TRHDE: variants seen among roughly 807,000 people sequenced by gnomAD.
TRHDE encodes thyrotropin releasing hormone degrading enzyme.
A neutral mutation model predicts 125.7 loss-of-function variants in TRHDE; 72 were observed. The observed-to-expected ratio is 0.57, with a 90% CI of 0.47 to 0.70. The LOEUF is 0.70. Among genes scored for constraint, TRHDE ranks in the 30% least tolerant of loss-of-function variants. TRHDE has a pLI of 0.00. For missense variants in TRHDE, 1,110 were observed against 1,327.1 expected, an observed-to-expected ratio of 0.84 and a Z score of 2.54; for synonymous variants, 509 against 509.1, an observed-to-expected ratio of 1.00 and a Z score of 0.00.
Position 72,296,793 on chromosome 12 carries a change from G to T in TRHDE, c.1188+9839G>T, listed in dbSNP as rs115263143. Among the ~76,000 whole-genome samples, 179 of 152,336 alleles carry T rather than the reference G, an allele frequency of 1.2e-3. No homozygotes were observed. The Middle Eastern group carries it at 0.014, about 12-fold the overall frequency. On this transcript the variant is annotated intron_variant, in intron 2 of 18. Coordinates refer to ENST00000261180, the MANE Select transcript of TRHDE (RefSeq NM_013381.3). ...TGATGAACCTCCAGAAATTTCATTA[G>T]TGTGGTAGGAGCAGAGCCAATAGGT...
In TRHDE at chr12:72,668,173, T is replaced by G. The variant is rs1875167033; in HGVS notation, c.*4978T>G. 6.6e-6 allele frequency: 1 copy of G among 151,754 alleles called. No individual in the cohort carries two copies. The highest frequency in any genetic ancestry group is 1.5e-5 in the Non-Finnish European group (1 of 67,758). 9.4% of individuals were successfully genotyped at this position (151,754 alleles called of 1,614,324 possible). On this transcript the variant is annotated 3_prime_UTR_variant, in exon 19 of 19. Transcript: ENST00000261180. Reference sequence around the variant, plus strand: ...TTTTTAAAATATTAAGTATTTTATTTAATGTGATATAGATTCAGGAAAAGT... The same window carrying G: ...TTTTTAAAATATTAAGTATTTTATTGAATGTGATATAGATTCAGGAAAAGT...
chr12:72,454,473 C>A (rs759192136), intron 3 of TRHDE, among the ~76,000 whole-genome samples: 5 of 152,102 alleles, frequency 3.3e-5, no homozygotes, highest in Non-Finnish European at 7.3e-5. Context: ...TCTATGGAAC[C>A]ATTAATCCCT....
Position 72,166,493 on chromosome 12 carries a change from G to T in TRHDE, n.279+60741G>T, listed in dbSNP as rs61924313. Among the ~76,000 whole-genome samples the T allele has an allele frequency of 7.9e-3, 1,198 of 152,258 alleles. 6 individuals carry two copies. The highest frequency in any genetic ancestry group is 0.012 in the South Asian group (57 of 4,822). On this transcript the variant is annotated intron_variant and non_coding_transcript_variant, in intron 2 of 4. Coordinates refer to the TRHDE transcript ENST00000548156. ...GCTCTTGGTGTGCTATGAGACTCTA[G>T]CAGGGACTAGATATCTATATGAGCT...
rs571238959 is a variant in TRHDE, at chr12:72,247,979, TATTA to T, written n.280-130009_280-130006del. Among the ~76,000 whole-genome samples the T allele has an allele frequency of 6.8e-4, 103 of 152,328 alleles. 1 individual carries two copies. The highest frequency in any genetic ancestry group is 1.4e-3 in the African/African-American group (57 of 41,570). The stretch of plus-strand genomic sequence containing the variant: ...CAATCTGTCATATCTATCATTGATC[TATTA>T]ATTAATCATCTGTCTCAGTGTGTAT... On this transcript the variant is annotated intron_variant and non_coding_transcript_variant, in intron 2 of 4. Coordinates refer to the TRHDE transcript ENST00000548156.
chr12:72,318,599 T>C (rs556030996), intron 2 of TRHDE, among the ~76,000 whole-genome samples: 1 of 152,210 alleles, frequency 6.6e-6, no homozygotes, highest in Non-Finnish European at 1.5e-5. Flanking sequence ...TGAGGCTAAC[T>C]CCCAGGTGTT....
intron 2 of TRHDE, among the ~76,000 whole-genome samples, chr12:72,200,194 G>A (rs980304375): frequency 3.9e-5 from 6 of 152,134 alleles, no homozygotes; most frequent in Admixed American, 2.6e-4. Context: ...AGTGTCAGTC[G>A]CAATCCATTA....
chr12:72,618,874 T>C lies in TRHDE; in HGVS notation c.2322-17T>C. 6.7e-7 allele frequency: 1 copy of C among 1,488,368 alleles called. No homozygotes were observed. The highest frequency in any genetic ancestry group is 9.0e-7 in the Non-Finnish European group (1 of 1,116,892). 92.2% of individuals were successfully genotyped at this position (1,488,368 alleles called of 1,614,324 possible). ...GTTTGTGCATCATCATGTATCTTTT[T>C]TTTTTTTTAACTGTAGGGCTGGCTA... On this transcript the variant is annotated splice_polypyrimidine_tract_variant and intron_variant, in intron 12 of 18. Coordinates refer to ENST00000261180, the MANE Select transcript of TRHDE (RefSeq NM_013381.3).
chr12:72,616,011 C>T (rs556176962), intron 12 of TRHDE, among the ~76,000 whole-genome samples: 1 of 152,220 alleles, frequency 6.6e-6, no homozygotes, highest in South Asian at 2.1e-4. Context: ...ATGACCACAC[C>T]TAAGTACCAG....
At chr12:72,197,437 A>AT (rs1048018965) in intron 2 of TRHDE, among the ~76,000 whole-genome samples, 6 of 152,058 alleles carry the variant, frequency 3.9e-5, no homozygotes, top group African/African-American at 1.4e-4. Context: ...GATTTGTCTA[A>AT]TTTTTTATGG....
chr12:72,657,369 T>G (rs1308397552), intron 18 of TRHDE, among the ~76,000 whole-genome samples: 2 of 152,162 alleles, frequency 1.3e-5, no homozygotes, highest in Non-Finnish European at 2.9e-5. Flanking sequence ...ATTTGTATAA[T>G]GGACAAAGGT....
At chr12:72,593,266 C>T (rs772915704) in intron 12 of TRHDE, among the ~76,000 whole-genome samples, 1 of 152,124 alleles carries the variant, frequency 6.6e-6, no homozygotes, top group African/African-American at 2.4e-5. Context: ...GGAAACCTCA[C>T]CCCTATTTTA....
chr12:72,326,877 A>C (rs1869365058), intron 2 of TRHDE, among the ~76,000 whole-genome samples: 1 of 152,142 alleles, frequency 6.6e-6, no homozygotes, highest in Admixed American at 6.5e-5. Flanking sequence ...AATGGTGAAC[A>C]CTTTGACAAG....
chr12:72,469,754 C>T lies in TRHDE; in HGVS notation c.1316-4C>T. On this transcript the variant is annotated splice_polypyrimidine_tract_variant and splice_region_variant and intron_variant, in intron 3 of 18. Transcript: ENST00000261180. ...CCTTTGGAACTGTTTTATTTTATTT[C>T]TAGATCTTTTAGCTGTGCCTAAGCA... The T allele has an allele frequency of 6.2e-7, 1 of 1,613,102 alleles. No individual in the cohort carries two copies. Among genetic ancestry groups the T allele is most frequent in the Non-Finnish European group, 8.5e-7 (1 of 1,179,710 alleles).
chr12:72,121,563 C>A (rs939389416), intron 2 of TRHDE, among the ~76,000 whole-genome samples: 1 of 152,162 alleles, frequency 6.6e-6, no homozygotes. Flanking sequence ...CAGAGATGCT[C>A]ACTCCATGCC....
chr12:72,463,605 C>T (rs1405013400), intron 3 of TRHDE, among the ~76,000 whole-genome samples: 1 of 152,112 alleles, frequency 6.6e-6, no homozygotes, highest in Non-Finnish European at 1.5e-5. Context: ...GATCATGTAG[C>T]AGAGAATATT....
chr12:72,089,072 G>A (rs569515608), intron 1 of TRHDE, among the ~76,000 whole-genome samples: 2 of 151,922 alleles, frequency 1.3e-5, no homozygotes, highest in South Asian at 2.1e-4. Flanking sequence ...CTATCTCACC[G>A]ATGGCAACTC....
At chr12:72,620,560 C>A (rs1293965364) in intron 13 of TRHDE, among the ~76,000 whole-genome samples, 1 of 151,808 alleles carries the variant, frequency 6.6e-6, no homozygotes, top group Admixed American at 6.6e-5. Context: ...GCATGCCTTA[C>A]CTTGATACTG....
intron 2 of TRHDE, among the ~76,000 whole-genome samples, chr12:72,216,075 G>A (rs762144094): frequency 9.2e-5 from 14 of 152,176 alleles, no homozygotes; most frequent in Non-Finnish European, 1.9e-4. Context: ...ATGTAGATAG[G>A]AAAATTTATC....
intron 9 of TRHDE, among the ~76,000 whole-genome samples, chr12:72,564,653 A>ATGTTTTTT (rs1870345638): frequency 1.8e-5 from 1 of 54,276 alleles, no homozygotes; most frequent in Non-Finnish European, 3.3e-5. Flanking sequence ...ATGCGTATGA[A>ATGTTTTTT]TTTTTTTTTT....
Sources: gnomAD v4.1 joint callset for allele counts (sites outside exome capture counted in the v4.1 genomes callset) on GRCh38, gnomAD v4.1.1 for gene constraint, MANE v1.5 for transcripts, NCBI Gene and HGNC (gene_info 2026-07-23, HGNC 2026-07-21) for gene names.